Variants in DCDC1 observed in about 807,000 individuals in gnomAD.
The protein encoded by DCDC1 is doublecortin domain-containing protein 1.
DCDC1 carries 200 observed loss-of-function variants against 178.3 expected under a neutral mutation model. That is an observed-to-expected ratio of 1.12 (90% CI 1.00 to 1.26). The LOEUF (loss-of-function observed/expected upper bound fraction) is 1.26. Among genes scored for constraint, DCDC1 ranks in the 50% most tolerant of loss-of-function variants. The pLI is 0.00. For missense variants in DCDC1, 1,983 were observed against 1,749.2 expected, an observed-to-expected ratio of 1.13 and a Z score of -2.38; for synonymous variants, 690 against 604.8, an observed-to-expected ratio of 1.14 and a Z score of -2.07.
At chr11:30,881,670 A>G (rs1942683368) in intron 36 of DCDC1, among the ~76,000 whole-genome samples, 1 of 152,202 alleles carries the variant, frequency 6.6e-6, no homozygotes, top group Non-Finnish European at 1.5e-5. Flanking sequence ...CTTGAATGAC[A>G]AAAGGTGAGG....
At chr11:30,994,402 A>G (rs1951138862) in intron 20 of DCDC1, among the ~76,000 whole-genome samples, 1 of 151,508 alleles carries the variant, frequency 6.6e-6, no homozygotes, top group Non-Finnish European at 1.5e-5. Context: ...AGTATTTCTC[A>G]TGCCTCAGCC....
At chr11:31,096,834 G>C (rs966019703) in intron 15 of DCDC1, among the ~76,000 whole-genome samples, 1 of 152,122 alleles carries the variant, frequency 6.6e-6, no homozygotes, top group Non-Finnish European at 1.5e-5. Context: ...AGGGTGGGAA[G>C]TTAAGGACTA....
chr11:31,096,953 G>A (rs922569018), intron 15 of DCDC1, among the ~76,000 whole-genome samples: 1 of 152,176 alleles, frequency 6.6e-6, no homozygotes, highest in Non-Finnish European at 1.5e-5. Context: ...GTACACACAT[G>A]CATGCGCATA....
chr11:31,262,481 T>A (rs1036971065), intron 8 of DCDC1: 2 of 152,160 alleles, frequency 1.3e-5, no homozygotes, highest in Admixed American at 6.6e-5. Flanking sequence ...TTTTATTTTG[T>A]GTATCTGTTG....
intron 8 of DCDC1, among the ~76,000 whole-genome samples, chr11:31,259,802 TC>T (rs1944661144): frequency 6.6e-6 from 1 of 152,200 alleles, no homozygotes; most frequent in Non-Finnish European, 1.5e-5. Flanking sequence ...CCGTCTGGCA[TC>T]TTGGAAAGAC....
At chr11:31,031,507 G>T (rs1451741450) in intron 20 of DCDC1, among the ~76,000 whole-genome samples, 1 of 151,944 alleles carries the variant, frequency 6.6e-6, no homozygotes, top group African/African-American at 2.4e-5. Flanking sequence ...TATCTTACAA[G>T]AATTTGAAAA....
At chr11:31,172,273 A>G (rs1306369956) in intron 9 of DCDC1, among the ~76,000 whole-genome samples, 1 of 152,118 alleles carries the variant, frequency 6.6e-6, no homozygotes, top group East Asian at 1.9e-4. Context: ...GAAAAAAATA[A>G]TTATCAGATT....
In DCDC1 at chr11:31,106,929, C is replaced by G; in HGVS notation, c.1619G>C (p.Gly540Ala). ...GAGGCCTGGTGGGTTGATGGAAGAA[C>G]CTTGAAGCCTTTGATGAATCTTGAG... ...LLLKIHQRLQ[G>A]SSINPPGLNY... The change falls in exon 13 of 39, where the codon GGT (glycine) becomes GCT (alanine). Residue 540 changes from glycine (G) to alanine (A), a missense_variant. By Grantham distance (60) the Gly-to-Ala change is moderately conservative. Transcript: ENST00000684477. 1 of 765,754 alleles carries G rather than the reference C, an allele frequency of 1.3e-6. No homozygotes were observed. The highest frequency in any genetic ancestry group is 2.4e-6 in the Non-Finnish European group (1 of 417,706). 47.4% of individuals were successfully genotyped at this position (765,754 alleles called of 1,614,324 possible).
chr11:30,900,979 T>C (rs1432400586), intron 32 of DCDC1, among the ~76,000 whole-genome samples: 1 of 152,156 alleles, frequency 6.6e-6, no homozygotes, highest in East Asian at 1.9e-4. Flanking sequence ...GAACATCCAA[T>C]AAATGTTAGA....
chr11:30,867,152 A>G (rs1941066907), intron 38 of DCDC1, among the ~76,000 whole-genome samples: 1 of 152,224 alleles, frequency 6.6e-6, no homozygotes, highest in African/African-American at 2.4e-5. Flanking sequence ...CATAAAAATG[A>G]TCACTTCAAG....
chr11:30,973,534 T>C (rs910467414), intron 20 of DCDC1, among the ~76,000 whole-genome samples: 1 of 152,096 alleles, frequency 6.6e-6, no homozygotes, highest in Admixed American at 6.6e-5. Flanking sequence ...AAGACACATA[T>C]AGTCTGAAAG....
chr11:31,359,135 G>A (rs1271012850), intron 1 of DCDC1, among the ~76,000 whole-genome samples: 5 of 152,092 alleles, frequency 3.3e-5, no homozygotes, highest in Non-Finnish European at 5.9e-5. Context: ...ACACGCACAC[G>A]TATGTTTATT....
intron 1 of DCDC1, among the ~76,000 whole-genome samples, chr11:31,349,511 T>C (rs955030433): frequency 2.6e-5 from 4 of 152,232 alleles, no homozygotes; most frequent in Non-Finnish European, 5.9e-5. Flanking sequence ...AACACAATTT[T>C]AATTAACTTG....
At chr11:30,971,622 T>C (rs1329767184) in intron 20 of DCDC1, among the ~76,000 whole-genome samples, 1 of 136,304 alleles carries the variant, frequency 7.3e-6, no homozygotes, top group Admixed American at 7.4e-5. Context: ...TTTTTTTTTT[T>C]TTTTTGAGAC....
At position 31,273,522 on chromosome 11, in the gene DCDC1, C is replaced by T. The variant is rs1050693440; in HGVS notation, c.961-7922G>A. ...GTTCCTTATCTCCATTTAAGACCAC[C>T]TCAGCCTGGACTTCATTGTCCATAT... On this transcript the variant is annotated intron_variant, in intron 7 of 38. Transcript: ENST00000684477. 2.0e-5 allele frequency among the ~76,000 whole-genome samples: 3 copies of T among 152,268 alleles called. No individual in the cohort carries two copies. The East Asian group carries it at 5.8e-4, about 29-fold the overall frequency.
At chr11:31,231,664 C>T (rs954963612) in intron 9 of DCDC1, among the ~76,000 whole-genome samples, 4 of 151,974 alleles carry the variant, frequency 2.6e-5, no homozygotes, top group Non-Finnish European at 5.9e-5. Flanking sequence ...ACTTAATAAG[C>T]CCTTCTCCTC....
intron 8 of DCDC1, among the ~76,000 whole-genome samples, chr11:31,260,298 GATTTT>G (rs1944695918): frequency 6.6e-6 from 1 of 152,104 alleles, no homozygotes; most frequent in Non-Finnish European, 1.5e-5. Flanking sequence ...TAAAATTTTG[GATTTT>G]ATTTGAAATT....
rs1306612628 is a variant in DCDC1 at position 30,888,141 on chromosome 11, AGAAAGAAAGAAAGAAAGAAAGG to A, written c.5082+4655_5082+4676del. 4.8e-3 allele frequency among the ~76,000 whole-genome samples: 709 copies of A among 147,556 alleles called. 13 individuals carry two copies. The highest frequency in any genetic ancestry group is 0.017 in the African/African-American group (658 of 38,330). ...AAGAAAGAAAGAAAGAAAGAAAGAA[AGAAAGAAAGAAAGAAAGAAAGG>A]GAAAGAAAGAAAGAGAAAGGAAGGA... On this transcript the variant is annotated intron_variant, in intron 36 of 38. Coordinates refer to ENST00000684477, the MANE Select transcript of DCDC1 (RefSeq NM_001387274.1).
chr11:31,293,405 G>A (rs796213425), intron 6 of DCDC1, among the ~76,000 whole-genome samples: 4 of 152,204 alleles, frequency 2.6e-5, no homozygotes, highest in East Asian at 3.9e-4. Context: ...GATGTTACAG[G>A]CACCAAGATT....
Sources: gnomAD v4.1 joint callset for allele counts (sites outside exome capture counted in the v4.1 genomes callset) on GRCh38, gnomAD v4.1.1 for gene constraint, MANE v1.5 for transcripts, NCBI Gene and HGNC (gene_info 2026-07-23, HGNC 2026-07-21) for gene names.